Variants in HEMK2 observed in about 807,000 individuals in gnomAD.
HEMK2 encodes methyltransferase HEMK2.
At chr21:28,713,987 G>C in the HEMK2 span, among the ~76,000 whole-genome samples, 1 of 152,164 alleles carries the variant, frequency 6.6e-6, no homozygotes, top group Non-Finnish European at 1.5e-5. Flanking sequence ...AATGGACCTG[G>C]AATTTGTCCA....
At chr21:28,870,324 A>C in the HEMK2 span, among the ~76,000 whole-genome samples, 1 of 152,232 alleles carries the variant, frequency 6.6e-6, no homozygotes, top group Non-Finnish European at 1.5e-5. Flanking sequence ...TGATGAACCA[A>C]TATTGATACA....
At chr21:28,823,007 G>C in the HEMK2 span, among the ~76,000 whole-genome samples, 8 of 152,140 alleles carry the variant, frequency 5.3e-5, no homozygotes, top group African/African-American at 1.7e-4. Context: ...CATGTGGCTG[G>C]AATGTTGGCA....
the HEMK2 span, among the ~76,000 whole-genome samples, chr21:28,831,686 G>GGAAA: frequency 2.2e-4 from 10 of 45,744 alleles, 1 homozygote; most frequent in East Asian, 4.0e-3. Flanking sequence ...AAAGAAAGAA[G>GGAAA]GAAGGAAGGA....
the HEMK2 span, among the ~76,000 whole-genome samples, chr21:28,824,065 T>C: frequency 1.3e-5 from 2 of 152,204 alleles, no homozygotes; most frequent in Non-Finnish European, 2.9e-5. Context: ...AGAACTATTC[T>C]AGACTCAGGA....
At chr21:28,680,148 T>C in the HEMK2 span, among the ~76,000 whole-genome samples, 1 of 151,958 alleles carries the variant, frequency 6.6e-6, no homozygotes, top group East Asian at 1.9e-4. Flanking sequence ...ATTGATAGAC[T>C]GCTAGCAAGA....
the HEMK2 span, among the ~76,000 whole-genome samples, chr21:28,765,723 T>A: frequency 6.6e-6 from 1 of 152,058 alleles, no homozygotes; most frequent in Non-Finnish European, 1.5e-5. Context: ...ACTGTGCCCC[T>A]GTAGGTCAGA....
chr21:28,656,818 C>A, the HEMK2 span, among the ~76,000 whole-genome samples: 1 of 151,988 alleles, frequency 6.6e-6, no homozygotes, highest in East Asian at 1.9e-4. Flanking sequence ...TCAGAAAGAC[C>A]AAGGGTCAAA....
chr21:28,733,212 G>C, the HEMK2 span, among the ~76,000 whole-genome samples: 1 of 152,166 alleles, frequency 6.6e-6, no homozygotes, highest in South Asian at 2.1e-4. Context: ...CCGGGAGGCG[G>C]AGCTTGCAGT....
the HEMK2 span, among the ~76,000 whole-genome samples, chr21:28,599,776 T>C: frequency 2.0e-5 from 3 of 152,216 alleles, no homozygotes; most frequent in African/African-American, 7.2e-5. Context: ...AGTTACTTCC[T>C]AGATACAATG....
At chr21:28,625,885 T>C in the HEMK2 span, among the ~76,000 whole-genome samples, 3 of 152,156 alleles carry the variant, frequency 2.0e-5, no homozygotes, top group Non-Finnish European at 2.9e-5. Context: ...AATATATTTA[T>C]TGAAAATATC....
chr21:28,721,460 T>C, the HEMK2 span, among the ~76,000 whole-genome samples: 1 of 152,186 alleles, frequency 6.6e-6, no homozygotes, highest in African/African-American at 2.4e-5. Context: ...TTTTACATAA[T>C]AGGCATTAAA....
the HEMK2 span, among the ~76,000 whole-genome samples, chr21:28,591,431 T>C: frequency 6.6e-6 from 1 of 152,182 alleles, no homozygotes; most frequent in African/African-American, 2.4e-5. Context: ...GGTGGTGACT[T>C]TGAAGAATTT....
At chr21:28,703,256 C>G in the HEMK2 span, among the ~76,000 whole-genome samples, 1 of 151,932 alleles carries the variant, frequency 6.6e-6, no homozygotes, top group Non-Finnish European at 1.5e-5. Context: ...ACACCAAACC[C>G]TGGCAACACA....
At chr21:28,631,186 C>G in the HEMK2 span, among the ~76,000 whole-genome samples, 1 of 152,102 alleles carries the variant, frequency 6.6e-6, no homozygotes, top group African/African-American at 2.4e-5. Flanking sequence ...TCAGAGGGAC[C>G]AGCTGGTCCA....
the HEMK2 span, chr21:28,874,112 T>C: frequency 6.6e-6 from 1 of 152,236 alleles, no homozygotes; most frequent in Middle Eastern, 3.2e-3. Flanking sequence ...CAAAATGCCA[T>C]TCCACTGCTC....
At chr21:28,694,858 C>T in the HEMK2 span, among the ~76,000 whole-genome samples, 2 of 151,990 alleles carry the variant, frequency 1.3e-5, no homozygotes, top group Non-Finnish European at 1.5e-5. Flanking sequence ...ATTAGCCGGG[C>T]GTGGTGGCGG....
the HEMK2 span, among the ~76,000 whole-genome samples, chr21:28,589,455 T>C: frequency 6.6e-6 from 1 of 152,182 alleles, no homozygotes; most frequent in East Asian, 1.9e-4. Flanking sequence ...GAGTGGAGAC[T>C]GTAAGACAGG....
the HEMK2 span, among the ~76,000 whole-genome samples, chr21:28,831,722 G>GAAAGAAAGAAA: frequency 6.0e-5 from 3 of 49,786 alleles, no homozygotes; most frequent in East Asian, 5.8e-4. Flanking sequence ...AAGGAAGGAA[G>GAAAGAAAGAAA]GAAGGAAGGA....
At chr21:28,758,409 GTAGAAAGGAA>G in the HEMK2 span, among the ~76,000 whole-genome samples, 1 of 152,170 alleles carries the variant, frequency 6.6e-6, no homozygotes, top group Non-Finnish European at 1.5e-5. Context: ...AGGAGTAAAA[GTAGAAAGGAA>G]TCTGGAAAAG....
Sources: gnomAD v4.1 joint callset for allele counts (sites outside exome capture counted in the v4.1 genomes callset) on GRCh38, gnomAD v4.1.1 for gene constraint, MANE v1.5 for transcripts, NCBI Gene and HGNC (gene_info 2026-07-23, HGNC 2026-07-21) for gene names.